The following UPF3B variants were observed in gnomAD, a reference collection of about 807,000 sequenced individuals.
UPF3B encodes UPF3B regulator of nonsense mediated mRNA decay.
UPF3B carries 7 observed loss-of-function variants against 40.3 expected under a neutral mutation model. That is an observed-to-expected ratio of 0.17 (90% confidence interval 0.10 to 0.33). UPF3B has a LOEUF of 0.33. UPF3B is among the 10% of genes least tolerant of loss of function. The pLI is 1.00. For missense variants in UPF3B, 229 were observed against 358.9 expected, an observed-to-expected ratio of 0.64 and a Z score of 2.93; for synonymous variants, 117 against 117.3, an observed-to-expected ratio of 1.00 and a Z score of 0.01.
chrX:119,813,417 T>G (rs1232734715), intron 5 of UPF3B, among the ~76,000 whole-genome samples: 2 of 110,866 alleles, frequency 1.8e-5, no homozygotes, highest in African/African-American at 6.6e-5. Context: ...TTGCTCACTC[T>G]GTGATGTGAG....
chrX:119,836,083 G>A (rs1222457267), intron 10 of UPF3B, among the ~76,000 whole-genome samples: 1 of 112,203 alleles, frequency 8.9e-6, no homozygotes, highest in African/African-American at 3.2e-5. Context: ...GGCTGGGCAC[G>A]GTGGCTCATG....
Position 119,841,085 on chromosome X carries a change from T to C in UPF3B, c.798A>G (p.Pro266=). 1 of 1,210,531 alleles carries C rather than the reference T, an allele frequency of 8.3e-7. No homozygotes were observed. Among genetic ancestry groups the C allele is most frequent in the Non-Finnish European group, 1.1e-6 (1 of 894,858 alleles). Residue 266 remains proline, a synonymous_variant, in exon 7 of 11, where the codon CCA becomes CCG. Transcript: ENST00000276201. ...TTCAACATTCTTATACCTTAATCTT[T>C]GGTTCATCCTTTAATTTGTCCCTTT... ...IPERDKLKDE[P]KIKVHRFLLQ...
At chrX:119,827,282 G>T (rs1315080506) in intron 3 of UPF3B, among the ~76,000 whole-genome samples, 2 of 111,271 alleles carry the variant, frequency 1.8e-5, no homozygotes, top group Non-Finnish European at 3.8e-5. Context: ...CCAATTCCTT[G>T]GGGATGGATG....
intron 10 of UPF3B, 102 bp from the exon 11 acceptor site, chrX:119,835,129 G>A: frequency 9.9e-7 from 1 of 1,008,783 alleles, no homozygotes; most frequent in Non-Finnish European, 1.4e-6. Context: ...CTCAAGTGAA[G>A]TCATTTAAGA....
intron 5 of UPF3B, among the ~76,000 whole-genome samples, chrX:119,813,497 TGA>T (rs1214337964): frequency 9.0e-6 from 1 of 111,074 alleles, no homozygotes; most frequent in Non-Finnish European, 1.9e-5. Context: ...CTGAGCAATG[TGA>T]GATTCCCGAC....
At chrX:119,845,425 T>C (rs1387349051) in intron 3 of UPF3B, 129 bp from the exon 4 acceptor site, 7 of 514,709 alleles carry the variant, frequency 1.4e-5, no homozygotes, top group African/African-American at 2.3e-5. Context: ...CCCAAAGGCA[T>C]AAAGCACACT....
intron 5 of UPF3B, among the ~76,000 whole-genome samples, chrX:119,810,434 C>A (rs12010189): frequency 5.4e-5 from 6 of 111,922 alleles, no homozygotes; most frequent in African/African-American, 1.9e-4. Context: ...AAAGTACAAT[C>A]GAAGTAATGG....
chrX:119,813,315 A>T (rs1453591657), intron 5 of UPF3B, among the ~76,000 whole-genome samples: 2 of 110,205 alleles, frequency 1.8e-5, no homozygotes, highest in African/African-American at 3.3e-5. Flanking sequence ...TATGGGGCGG[A>T]TCCCTCATGG....
chrX:119,849,782 G>A (rs964976238), intron 3 of UPF3B, among the ~76,000 whole-genome samples: 1 of 110,816 alleles, frequency 9.0e-6, no homozygotes, highest in Non-Finnish European at 1.9e-5. Context: ...TGAAAAAAAT[G>A]GAAAATCCTG....
intron 4 of UPF3B, among the ~76,000 whole-genome samples, chrX:119,844,114 G>A (rs575198765): frequency 5.4e-5 from 6 of 110,250 alleles, no homozygotes; most frequent in South Asian, 7.7e-4. Flanking sequence ...GCAATGGTGC[G>A]GTCTCAGCTC....
chrX:119,842,576 T>TCACA (rs1491435021), intron 5 of UPF3B, among the ~76,000 whole-genome samples: 7 of 66,241 alleles, frequency 1.1e-4, no homozygotes, highest in African/African-American at 5.3e-4. Flanking sequence ...CAAGACTCCA[T>TCACA]CTCTCACACA....
At chrX:119,837,160 G>A (rs2056105723) in intron 10 of UPF3B, among the ~76,000 whole-genome samples, 1 of 106,164 alleles carries the variant, frequency 9.4e-6, no homozygotes, top group East Asian at 3.1e-4. Context: ...GGCCAGGCTG[G>A]TCTAGAACTC....
Position 119,827,631 on chromosome X carries a change from G to A in UPF3B, c.392+4021C>T, listed in dbSNP as rs911560589. Among the ~76,000 whole-genome samples the A allele has an allele frequency of 2.7e-5, 3 of 111,873 alleles. No homozygotes were observed. In the East Asian group the frequency reaches 8.4e-4, roughly 31 times the overall value. The stretch of plus-strand genomic sequence containing the variant: ...AGGATAGTCTCGGTCTTTTGACCTC[G>A]TGATCTGCATGCCTCGGCCTCCCAA... On this transcript the variant is annotated intron_variant, in intron 3 of 6. Transcript: ENST00000636792.
chrX:119,826,741 C>CAAT (rs2055982443), intron 3 of UPF3B, among the ~76,000 whole-genome samples: 1 of 111,760 alleles, frequency 8.9e-6, no homozygotes, highest in African/African-American at 3.3e-5. Flanking sequence ...TTGCTCCAAC[C>CAAT]AATAGATCAT....
At chrX:119,838,983 C>G (rs761524102) in intron 8 of UPF3B, among the ~76,000 whole-genome samples, 45 of 111,475 alleles carry the variant, frequency 4.0e-4, no homozygotes, top group African/African-American at 1.4e-3. Flanking sequence ...CATCATGTCA[C>G]CCAGGCTGTT....
At chrX:119,811,187 C>T (rs60960101) in intron 5 of UPF3B, among the ~76,000 whole-genome samples, 202 of 110,345 alleles carry the variant, frequency 1.8e-3, no homozygotes, top group African/African-American at 6.1e-3. Flanking sequence ...TACAGGTACG[C>T]GACACAACAC....
At chrX:119,838,080 C>T in intron 9 of UPF3B, 29 bp from the exon 10 acceptor site, 1 of 1,205,205 alleles carries the variant, frequency 8.3e-7, no homozygotes, top group South Asian at 1.8e-5. Context: ...TGAGACAGAA[C>T]CCTGAAAGAT....
At chrX:119,809,556 A>C (rs2055815018) in intron 5 of UPF3B, among the ~76,000 whole-genome samples, 1 of 111,426 alleles carries the variant, frequency 9.0e-6, no homozygotes, top group Non-Finnish European at 1.9e-5. Context: ...CCTCGTCTCT[A>C]CTAAAAAACA....
At chrX:119,852,710 A>G in intron 1 of UPF3B, 63 bp downstream of exon 1, 1 of 1,204,750 alleles carries the variant, frequency 8.3e-7, no homozygotes, top group Non-Finnish European at 1.1e-6. Flanking sequence ...CCCCATTCCC[A>G]GCCATCCTCC....
Sources: allele counts gnomAD v4.1 joint callset (sites outside exome capture counted in the v4.1 genomes callset), GRCh38; gene constraint gnomAD v4.1.1; transcripts MANE v1.5; gene names NCBI Gene and HGNC (gene_info 2026-07-23, HGNC 2026-07-21).